NBEA: variants seen among roughly 807,000 people sequenced by gnomAD.
NBEA encodes the protein lysosomal-trafficking regulator 2.
Under a neutral mutation model 343.4 loss-of-function variants are expected in NBEA, and 44 were observed. That is an observed-to-expected ratio of 0.13 (90% CI 0.10 to 0.16). The LOEUF is 0.16. Among genes scored for constraint, NBEA ranks in the 10% least tolerant of loss-of-function variants. The probability of loss-of-function intolerance (pLI) is 1.00; values close to 1 mark genes in which losing one functional copy is unlikely to be tolerated. For missense variants in NBEA, 2,555 were observed against 3,631.3 expected (o/e 0.70, Z 7.62); for synonymous variants, 1,175 against 1,238.7 (o/e 0.95, Z 1.08).
In NBEA at chr13:35,159,925, G is replaced by A. The variant is rs957955107; in HGVS notation, c.3754G>A (p.Val1252Ile). The change falls in exon 22 of 59, where the codon GTA becomes ATA. Residue 1252 changes from valine (V) to isoleucine (I), a missense_variant. Physicochemically the swap from Val to Ile is conservative, Grantham distance 29. Coordinates refer to ENST00000379939, the MANE Select transcript of NBEA (RefSeq NM_001385012.1). ...LETESSSSKI[V>I]PNIDAGSIIS... ...AACTGAGTCTTCTAGTAGCAAAATT[G>A]TACCAAATATTGATGCAGGAAGTAT... 3.3e-5 allele frequency: 52 copies of A among 1,594,532 alleles called. No individual in the cohort carries two copies. Among genetic ancestry groups the A allele is most frequent in the Non-Finnish European group, 3.7e-5 (43 of 1,169,788 alleles).
At position 35,601,776 on chromosome 13, in the gene NBEA, A is replaced by G. The variant is rs1393985273; in HGVS notation, c.7297-4650A>G. ...GACTCCATCGCAAAAAAAAAAAAAAAAAAAAAAAAGAAAAAAAAAAAGAAT... is the reference window on the plus strand; with the variant it reads ...GACTCCATCGCAAAAAAAAAAAAAAGAAAAAAAAAGAAAAAAAAAAAGAAT... On this transcript the variant is annotated intron_variant, in intron 47 of 58. Coordinates refer to ENST00000379939, the MANE Select transcript of NBEA (RefSeq NM_001385012.1). Among the ~76,000 whole-genome samples the G allele has an allele frequency of 1.5e-3, 77 of 50,074 alleles. No individual in the cohort carries two copies. The East Asian group carries it at 0.019, about 13-fold the overall frequency. 32.9% of individuals were successfully genotyped at this position (50,074 alleles called of 152,430 possible).
At chr13:35,076,509 C>T (rs914732005) in intron 10 of NBEA, among the ~76,000 whole-genome samples, 11 of 151,882 alleles carry the variant, frequency 7.2e-5, no homozygotes, top group Non-Finnish European at 1.2e-4. Context: ...TTAAATTTAG[C>T]GACAGCCACT....
chr13:35,528,056 C>T lies in NBEA; in HGVS notation c.6586-22421C>T, dbSNP rs145757585. On this transcript the variant is annotated intron_variant, in intron 41 of 58. Coordinates refer to ENST00000379939, the MANE Select transcript of NBEA (RefSeq NM_001385012.1). The stretch of plus-strand genomic sequence containing the variant: ...TGGTTCCATTTTGTTCCCTCTTTCC[C>T]TAGAAACTCCACATTATTATATGGA... 1.1e-3 allele frequency among the ~76,000 whole-genome samples: 167 copies of T among 152,252 alleles called. 1 individual carries two copies. Among genetic ancestry groups the T allele is most frequent in the African/African-American group, 3.8e-3 (157 of 41,562 alleles).
chr13:35,324,622 C>T (rs868109400), intron 36 of NBEA, among the ~76,000 whole-genome samples: 1 of 152,078 alleles, frequency 6.6e-6, no homozygotes, highest in Non-Finnish European at 1.5e-5. Flanking sequence ...TTAGTTTTAG[C>T]AGGGACATAA....
chr13:35,646,116 T>C, intron 50 of NBEA, 143 bp from the exon 51 acceptor site: 1 of 728,468 alleles, frequency 1.4e-6, no homozygotes. Context: ...TGGATGATTC[T>C]GCACCCTGAG....
chr13:35,040,152 T>A lies in NBEA; in HGVS notation c.295-781T>A, dbSNP rs191565694. ...TATCCAGTTTGACAGTGTTCTTTTTTAAGAATGATGCTTTTAACTGAATAT... is the reference window on the plus strand; with the variant it reads ...TATCCAGTTTGACAGTGTTCTTTTTAAAGAATGATGCTTTTAACTGAATAT... On this transcript the variant is annotated intron_variant, in intron 1 of 58. Coordinates refer to ENST00000379939, the MANE Select transcript of NBEA (RefSeq NM_001385012.1). Among the ~76,000 whole-genome samples, 6 of 152,276 alleles carry A rather than the reference T, an allele frequency of 3.9e-5. No homozygotes were observed. The East Asian group carries it at 9.7e-4, about 25-fold the overall frequency.
At chr13:35,466,413 C>T (rs1391077841) in intron 40 of NBEA, among the ~76,000 whole-genome samples, 3 of 152,176 alleles carry the variant, frequency 2.0e-5, no homozygotes, top group Non-Finnish European at 2.9e-5. Context: ...AGTTTAACTT[C>T]ATAACCCTTA....
At chr13:35,262,792 C>CAA (rs2152799198) in intron 34 of NBEA, among the ~76,000 whole-genome samples, 1 of 152,222 alleles carries the variant, frequency 6.6e-6, no homozygotes, top group African/African-American at 2.4e-5. Flanking sequence ...TGATAAAAGA[C>CAA]TTGTACAATG....
At chr13:35,264,950 T>C (rs561952107) in intron 34 of NBEA, among the ~76,000 whole-genome samples, 1 of 151,996 alleles carries the variant, frequency 6.6e-6, no homozygotes. Flanking sequence ...TGTTAAATTG[T>C]CTCTTTGCAG....
intron 36 of NBEA, among the ~76,000 whole-genome samples, chr13:35,331,367 A>G (rs1390169456): frequency 6.6e-6 from 1 of 152,044 alleles, no homozygotes; most frequent in Non-Finnish European, 1.5e-5. Flanking sequence ...GATCTGAAAT[A>G]GTATACTCCC....
intron 35 of NBEA, among the ~76,000 whole-genome samples, chr13:35,301,221 T>C (rs2036521929): frequency 6.6e-6 from 1 of 151,960 alleles, no homozygotes; most frequent in African/African-American, 2.4e-5. Flanking sequence ...GTGCAGAACA[T>C]GCAGGTTTGT....
intron 10 of NBEA, among the ~76,000 whole-genome samples, chr13:35,077,411 A>G (rs762255191): frequency 3.1e-4 from 47 of 152,136 alleles, no homozygotes; most frequent in Non-Finnish European, 4.4e-5. Context: ...ACTGAGGAAC[A>G]TTGTCTCCAG....
At chr13:35,493,215 C>T (rs546993693) in intron 41 of NBEA, among the ~76,000 whole-genome samples, 1 of 151,888 alleles carries the variant, frequency 6.6e-6, no homozygotes, top group South Asian at 2.1e-4. Flanking sequence ...AGAGCCTGCA[C>T]AAAACAAACA....
intron 38 of NBEA, among the ~76,000 whole-genome samples, chr13:35,389,513 T>A (rs1385091687): frequency 6.6e-6 from 1 of 152,152 alleles, no homozygotes; most frequent in Non-Finnish European, 1.5e-5. Flanking sequence ...AAAAAAATGC[T>A]AAAATACCTC....
At chr13:34,994,339 A>G (rs1246139192) in intron 1 of NBEA, among the ~76,000 whole-genome samples, 1 of 152,036 alleles carries the variant, frequency 6.6e-6, no homozygotes, top group Non-Finnish European at 1.5e-5. Flanking sequence ...TATACTAATC[A>G]GTTGTTTTAA....
At chr13:35,523,296 T>C (rs2077809530) in intron 41 of NBEA, among the ~76,000 whole-genome samples, 1 of 152,236 alleles carries the variant, frequency 6.6e-6, no homozygotes, top group African/African-American at 2.4e-5. Context: ...CCTACATTCA[T>C]GTAACTCAAG....
At position 35,628,066 on chromosome 13, in the gene NBEA, C is replaced by A; in HGVS notation, c.7450-15C>A. ...AGTTTTGATGGTCTCTCATTTCTTT[C>A]TTGACTCATTTCAGGCCCTAGAAAG... On this transcript the variant is annotated splice_polypyrimidine_tract_variant and intron_variant, in intron 48 of 58. Transcript: ENST00000379939. 1 of 1,599,390 alleles carries A rather than the reference C, an allele frequency of 6.3e-7. No homozygotes were observed. Among genetic ancestry groups the A allele is most frequent in the Admixed American group, 1.7e-5 (1 of 57,986 alleles).
chr13:35,280,596 TAA>T (rs1218152428), intron 34 of NBEA, among the ~76,000 whole-genome samples: 1 of 152,150 alleles, frequency 6.6e-6, no homozygotes, highest in Non-Finnish European at 1.5e-5. Flanking sequence ...GGTCTCATCA[TAA>T]TAAACTGATC....
chr13:34,958,966 A>G (rs1379292608), intron 1 of NBEA, among the ~76,000 whole-genome samples: 1 of 152,136 alleles, frequency 6.6e-6, no homozygotes, highest in Non-Finnish European at 1.5e-5. Context: ...CTGTAAGGAT[A>G]TCCTGTCCCC....
Sources: allele counts gnomAD v4.1 joint callset (sites outside exome capture counted in the v4.1 genomes callset), GRCh38; gene constraint gnomAD v4.1.1; transcripts MANE v1.5; gene names NCBI Gene and HGNC (gene_info 2026-07-23, HGNC 2026-07-21).